The following PARD3B variants were observed in gnomAD, a reference collection of about 807,000 sequenced individuals.
PARD3B encodes partitioning defective 3 homolog B.
Under a neutral mutation model 130.2 loss-of-function variants are expected in PARD3B, and 103 were observed. That is an observed-to-expected ratio of 0.79 (90% confidence interval 0.67 to 0.93). The LOEUF (loss-of-function observed/expected upper bound fraction) is 0.93. PARD3B is among the 40% of genes least tolerant of loss of function. The pLI is 0.00. For missense variants in PARD3B, 1,609 were observed against 1,499.2 expected, an observed-to-expected ratio of 1.07 and a Z score of -1.21; for synonymous variants, 583 against 553.2, an observed-to-expected ratio of 1.05 and a Z score of -0.76.
intron 16 of PARD3B, among the ~76,000 whole-genome samples, chr2:205,284,883 G>A (rs11677344): frequency 0.031 from 4,664 of 151,864 alleles, 84 homozygotes; most frequent in Middle Eastern, 0.058. Flanking sequence ...GGGAAAAACT[G>A]TTTAATGATG....
chr2:205,349,894 G>T (rs1357652316), intron 18 of PARD3B, among the ~76,000 whole-genome samples: 1 of 145,102 alleles, frequency 6.9e-6, no homozygotes, highest in Non-Finnish European at 1.5e-5. Context: ...TCACTTGATA[G>T]AGTGCAGACT....
At chr2:204,976,224 C>A (rs774432592) in intron 3 of PARD3B, among the ~76,000 whole-genome samples, 2 of 152,146 alleles carry the variant, frequency 1.3e-5, no homozygotes, top group Admixed American at 6.5e-5. Flanking sequence ...TGGAGAAATA[C>A]ATAGATTATA....
chr2:204,968,155 T>A (rs371457100), intron 3 of PARD3B, among the ~76,000 whole-genome samples: 67 of 152,304 alleles, frequency 4.4e-4, no homozygotes, highest in African/African-American at 1.5e-3. Flanking sequence ...AAATAGCAAA[T>A]TTAATCTTCA....
chr2:204,891,125 A>G (rs914638180), intron 2 of PARD3B, among the ~76,000 whole-genome samples: 7 of 151,282 alleles, frequency 4.6e-5, no homozygotes, highest in Non-Finnish European at 1.0e-4. Context: ...CCAGGACCCG[A>G]TATGGAATCT....
At chr2:204,806,511 G>A (rs2042774520) in intron 2 of PARD3B, among the ~76,000 whole-genome samples, 1 of 152,136 alleles carries the variant, frequency 6.6e-6, no homozygotes, top group Non-Finnish European at 1.5e-5. Flanking sequence ...AGACTTAAAT[G>A]TAAGACCTGA....
chr2:204,545,957 G>A lies in PARD3B; in HGVS notation c.-43G>A, dbSNP rs572026380. ...AGTGGGGGCTGCGCCCGCGGGGTCA[G>A]ACACCTGTTCGGCCCGGCCCGGCGT... On this transcript the variant is annotated 5_prime_UTR_variant, in exon 1 of 23. Coordinates refer to ENST00000406610, the MANE Select transcript of PARD3B (RefSeq NM_001302769.2). The A allele has an allele frequency of 1.1e-5, 17 of 1,518,164 alleles. No individual in the cohort carries two copies. The highest frequency in any genetic ancestry group is 1.8e-6 in the Non-Finnish European group (2 of 1,133,068). The allele number at this position is 1,518,164 out of a possible 1,614,324, so 94.0% of individuals were successfully genotyped here. A position where few individuals can be genotyped will look rare whatever the true frequency, so the allele number is the denominator to read the frequency against.
At chr2:205,390,749 T>C (rs1559046709) in intron 18 of PARD3B, among the ~76,000 whole-genome samples, 1 of 152,216 alleles carries the variant, frequency 6.6e-6, no homozygotes, top group Non-Finnish European at 1.5e-5. Flanking sequence ...TTTCTTCATA[T>C]TGTCCGTTTG....
At chr2:205,260,018 A>G (rs1388770303) in intron 16 of PARD3B, among the ~76,000 whole-genome samples, 3 of 152,146 alleles carry the variant, frequency 2.0e-5, no homozygotes, top group Admixed American at 6.5e-5. Context: ...GAACCACTAG[A>G]AAGCAAAGGT....
rs1346407638 is a variant in PARD3B at position 205,116,210 on chromosome 2, G to A, written c.680+2633G>A. ...TTATTCAGATTTTTAAAATCAATGTGGTTTTTGTGAATTAAAAACATGAAA... is the reference window on the plus strand; with the variant it reads ...TTATTCAGATTTTTAAAATCAATGTAGTTTTTGTGAATTAAAAACATGAAA... On this transcript the variant is annotated intron_variant, in intron 6 of 22. Coordinates refer to ENST00000406610, the MANE Select transcript of PARD3B (RefSeq NM_001302769.2). The surrounding 1 kb of genome is among the most constrained non-coding windows in gnomAD (Gnocchi z 4.5). 6.6e-6 allele frequency among the ~76,000 whole-genome samples: 1 copy of A among 152,038 alleles called. No individual in the cohort carries two copies. The highest frequency in any genetic ancestry group is 2.4e-5 in the African/African-American group (1 of 41,362).
At chr2:205,402,720 G>A (rs778074532) in intron 19 of PARD3B, among the ~76,000 whole-genome samples, 11 of 152,092 alleles carry the variant, frequency 7.2e-5, no homozygotes, top group East Asian at 1.9e-4. Flanking sequence ...TATAGGCTTC[G>A]GATCCAATTT....
In PARD3B at chr2:204,562,700, C is replaced by T. The variant is rs138819004; in HGVS notation, c.120+16581C>T. ...AGGAAGTGTAAGATGGATAAATAATCCTTGCCTCTGTATTTATAGACACAT... is the reference window on the plus strand; with the variant it reads ...AGGAAGTGTAAGATGGATAAATAATTCTTGCCTCTGTATTTATAGACACAT... On this transcript the variant is annotated intron_variant, in intron 1 of 22. Coordinates refer to ENST00000406610, the MANE Select transcript of PARD3B (RefSeq NM_001302769.2). Among the ~76,000 whole-genome samples, 874 of 152,122 alleles carry T rather than the reference C, an allele frequency of 5.7e-3. 5 individuals carry two copies. Among genetic ancestry groups the T allele is most frequent in the African/African-American group, 0.02 (814 of 41,488 alleles).
At chr2:204,739,776 A>G (rs1017159852) in intron 2 of PARD3B, among the ~76,000 whole-genome samples, 1 of 151,772 alleles carries the variant, frequency 6.6e-6, no homozygotes, top group Non-Finnish European at 1.5e-5. Context: ...TTATCTGTGT[A>G]TTTTCTCAAT....
At chr2:204,850,840 A>G (rs913762310) in intron 2 of PARD3B, among the ~76,000 whole-genome samples, 1 of 152,332 alleles carries the variant, frequency 6.6e-6, no homozygotes, top group East Asian at 1.9e-4. Flanking sequence ...TGCTCCACAC[A>G]TGGTATACGC....
At chr2:204,615,797 T>C (rs1015320487) in intron 1 of PARD3B, among the ~76,000 whole-genome samples, 9 of 152,176 alleles carry the variant, frequency 5.9e-5, no homozygotes, top group African/African-American at 1.9e-4. Context: ...GCATGCATTT[T>C]TTTTCCTGAA....
rs1689108884 is a variant in PARD3B, at chr2:204,943,925, G to A, written c.223-21227G>A. Among the ~76,000 whole-genome samples the A allele has an allele frequency of 6.6e-6, 1 of 152,146 alleles. No individual in the cohort carries two copies. Among genetic ancestry groups the A allele is most frequent in the Non-Finnish European group, 1.5e-5 (1 of 68,016 alleles). The stretch of plus-strand genomic sequence containing the variant: ...AAAGGGAAATTTAAAATAAATGCTA[G>A]CAATAAGTTAGTAAAAGTAGAAAAG... On this transcript the variant is annotated intron_variant, in intron 2 of 22. Coordinates refer to ENST00000406610, the MANE Select transcript of PARD3B (RefSeq NM_001302769.2). The surrounding 1 kb of genome is among the most constrained non-coding windows in gnomAD (Gnocchi z 4.2).
intron 19 of PARD3B, among the ~76,000 whole-genome samples, chr2:205,411,705 G>A (rs923406091): frequency 6.6e-5 from 10 of 152,050 alleles, no homozygotes; most frequent in Middle Eastern, 3.2e-3. Context: ...CAAGTTGAGC[G>A]GAGACTTTGC....
At chr2:205,197,145 T>C (rs2036744343) in intron 15 of PARD3B, among the ~76,000 whole-genome samples, 1 of 151,784 alleles carries the variant, frequency 6.6e-6, no homozygotes, top group Admixed American at 6.6e-5. Flanking sequence ...AAACATTTGA[T>C]CAAGCTACAT....
rs112647900 is a variant in PARD3B at position 205,461,110 on chromosome 2, T to C, written c.3044+20438T>C. On this transcript the variant is annotated intron_variant, in intron 20 of 22. Transcript: ENST00000406610. The surrounding 1 kb of genome is among the most constrained non-coding windows in gnomAD (Gnocchi z 4.3). ...TAAGACCTACAGGAGGAGACAAATATTAAATGTGTAGTTATAAGTAGAGTG... is the reference window on the plus strand; with the variant it reads ...TAAGACCTACAGGAGGAGACAAATACTAAATGTGTAGTTATAAGTAGAGTG... 8.2e-3 allele frequency among the ~76,000 whole-genome samples: 1,244 copies of C among 152,268 alleles called. 11 individuals are homozygous for C. Among genetic ancestry groups the C allele is most frequent in the Middle Eastern group, 0.014 (4 of 294 alleles).
At position 204,610,242 on chromosome 2, in the gene PARD3B, T is replaced by C. The variant is rs2033873726; in HGVS notation, c.120+64123T>C. Among the ~76,000 whole-genome samples, 1 of 152,148 alleles carries C rather than the reference T, an allele frequency of 6.6e-6. No homozygotes were observed. ...ATTCAGACAGTTGGGGGGCTTAGGATTTCATTTTTGGTTTACAAGTAGTAC... is the reference window on the plus strand; with the variant it reads ...ATTCAGACAGTTGGGGGGCTTAGGACTTCATTTTTGGTTTACAAGTAGTAC... On this transcript the variant is annotated intron_variant, in intron 1 of 22. Coordinates refer to ENST00000406610, the MANE Select transcript of PARD3B (RefSeq NM_001302769.2). The surrounding 1 kb of genome is among the most constrained non-coding windows in gnomAD (Gnocchi z 4.1).
Sources: gnomAD v4.1 joint callset for allele counts (sites outside exome capture counted in the v4.1 genomes callset) on GRCh38, gnomAD v4.1.1 for gene constraint, Gnocchi (gnomAD v3.1) non-coding constraint, MANE v1.5 for transcripts, NCBI Gene and HGNC (gene_info 2026-07-23, HGNC 2026-07-21) for gene names.